PLA2R1: variants seen among roughly 807,000 people sequenced by gnomAD.
The protein encoded by PLA2R1 is phospholipase A2 receptor 1.
PLA2R1 carries 158 observed loss-of-function variants against 195.9 expected under a neutral mutation model. The observed-to-expected ratio is 0.81, with a 90% CI of 0.71 to 0.92. The LOEUF (loss-of-function observed/expected upper bound fraction) is 0.92, where lower values mean the gene tolerates loss of function less well. Ranked by LOEUF, PLA2R1 falls within the 40% of genes least tolerant of loss-of-function variation. PLA2R1 has a pLI of 0.00. For missense variants in PLA2R1, 1,626 were observed against 1,764.6 expected, an observed-to-expected ratio of 0.92 and a Z score of 1.41; for synonymous variants, 586 against 598.2, an observed-to-expected ratio of 0.98 and a Z score of 0.30.
intron 7 of PLA2R1, among the ~76,000 whole-genome samples, chr2:160,022,391 C>T (rs1240489796): frequency 2.0e-5 from 3 of 151,828 alleles, no homozygotes; most frequent in East Asian, 1.9e-4. Flanking sequence ...TTAGGTTTTT[C>T]ATTAGAAGTT....
intron 20 of PLA2R1, among the ~76,000 whole-genome samples, chr2:159,961,470 G>A (rs767475375): frequency 2.0e-5 from 3 of 152,154 alleles, no homozygotes; most frequent in Non-Finnish European, 4.4e-5. Flanking sequence ...GCACTTTGAT[G>A]TTTTTAAAAA....
At chr2:160,005,958 C>T (rs550884827) in intron 10 of PLA2R1, 137 bp from the exon 11 acceptor site, 34 of 661,772 alleles carry the variant, frequency 5.1e-5, no homozygotes, top group Non-Finnish European at 7.8e-5. Flanking sequence ...AACAGGAAAA[C>T]ACCCAAAGAC....
chr2:159,926,310 T>C, the PLA2R1 span, among the ~76,000 whole-genome samples: 1 of 152,124 alleles, frequency 6.6e-6, no homozygotes, highest in East Asian at 1.9e-4. Flanking sequence ...AGGCGATAAA[T>C]GACTGCTTTT....
In PLA2R1 at chr2:159,951,320, A is replaced by C; in HGVS notation, c.3540+20T>G. On this transcript the variant is annotated intron_variant, in intron 24 of 29. Coordinates refer to ENST00000283243, the MANE Select transcript of PLA2R1 (RefSeq NM_007366.5). ...AAACTTAATTATTCAAGGATGTCTC[A>C]AGGGAGTTAGGATACCTACATCTGT... 1 of 1,349,200 alleles carries C rather than the reference A, an allele frequency of 7.4e-7. No individual in the cohort carries two copies. The highest frequency in any genetic ancestry group is 2.3e-5 in the East Asian group (1 of 43,614). 83.6% of individuals were successfully genotyped at this position (1,349,200 alleles called of 1,614,324 possible).
intron 28 of PLA2R1, among the ~76,000 whole-genome samples, chr2:159,943,895 T>C (rs1687233187): frequency 6.6e-6 from 1 of 152,038 alleles, no homozygotes; most frequent in Non-Finnish European, 1.5e-5. Context: ...TTCTTCTTCA[T>C]TCCCAGCTCA....
At chr2:159,995,119 A>C (rs1691124038) in intron 11 of PLA2R1, among the ~76,000 whole-genome samples, 1 of 152,128 alleles carries the variant, frequency 6.6e-6, no homozygotes, top group Non-Finnish European at 1.5e-5. Flanking sequence ...GCAGGAAAGA[A>C]ATGTGATTTA....
chr2:159,976,171 G>A lies in PLA2R1; in HGVS notation c.2492C>T (p.Ser831Leu), dbSNP rs764478475. ...GACAAACTCAAAGTTCAACCATTCT[G>A]AGGCAAAGGTATGAAAAAGGTATTC... Reference protein sequence around the residue: ...DAEYLFHTFASEWLNFEFVCS... With the variant: ...DAEYLFHTFALEWLNFEFVCS... Residue 831 changes from serine (S) to leucine (L), a missense_variant, in exon 17 of 30, where the codon TCA becomes TTA. By Grantham distance (145) the Ser-to-Leu change is moderately radical (BLOSUM62 -2). Coordinates refer to ENST00000283243, the MANE Select transcript of PLA2R1 (RefSeq NM_007366.5). The A allele has an allele frequency of 3.1e-6, 5 of 1,611,126 alleles. No individual in the cohort carries two copies. In the Admixed American group the frequency reaches 8.3e-5, roughly 27 times the overall value.
At chr2:160,001,870 A>T (rs1691619748) in intron 11 of PLA2R1, among the ~76,000 whole-genome samples, 5 of 151,822 alleles carry the variant, frequency 3.3e-5, no homozygotes. Flanking sequence ...TCATAGTGGG[A>T]GGTATCAAAC....
intron 17 of PLA2R1, among the ~76,000 whole-genome samples, chr2:159,973,963 C>T (rs939886647): frequency 2.0e-5 from 3 of 151,960 alleles, no homozygotes; most frequent in African/African-American, 7.2e-5. Flanking sequence ...TGTGGGGTTT[C>T]GCCCTTCCCT....
chr2:159,928,486 C>T (rs1686530775), downstream of PLA2R1, among the ~76,000 whole-genome samples: 4 of 152,148 alleles, frequency 2.6e-5, no homozygotes, highest in South Asian at 8.3e-4. Flanking sequence ...AGCTATAAAA[C>T]ACTGCTGAAA....
intron 6 of PLA2R1, among the ~76,000 whole-genome samples, chr2:160,026,493 G>T (rs1330935433): frequency 6.6e-6 from 1 of 152,146 alleles, no homozygotes; most frequent in East Asian, 1.9e-4. Flanking sequence ...GGCTGATATG[G>T]ACTCCAGGTG....
At chr2:159,929,144 A>T (rs1323849050), downstream of PLA2R1, among the ~76,000 whole-genome samples, 2 of 152,350 alleles carry the variant, frequency 1.3e-5, no homozygotes, top group South Asian at 2.1e-4. Context: ...AAACAAAGAT[A>T]AATAGACAAG....
chr2:159,958,263 C>T (rs1313564919), intron 20 of PLA2R1, among the ~76,000 whole-genome samples: 1 of 152,056 alleles, frequency 6.6e-6, no homozygotes, highest in African/African-American at 2.4e-5. Context: ...ACCTCACCCT[C>T]TTGTGCTTGC....
intron 19 of PLA2R1, among the ~76,000 whole-genome samples, chr2:159,968,521 C>T (rs1688937619): frequency 6.6e-6 from 1 of 152,172 alleles, no homozygotes. Context: ...GCTGATTAAC[C>T]ACACGGATTT....
intron 2 of PLA2R1, 98 bp from the exon 3 acceptor site, chr2:160,042,296 T>A: frequency 1.0e-6 from 1 of 974,288 alleles, no homozygotes; most frequent in Non-Finnish European, 1.6e-6. Context: ...ACTGAAACCC[T>A]CTTGGGGCAG....
intron 1 of PLA2R1, among the ~76,000 whole-genome samples, chr2:160,059,021 G>A (rs144551188): frequency 7.9e-5 from 12 of 152,258 alleles, no homozygotes; most frequent in African/African-American, 2.6e-4. Flanking sequence ...TGGGGTGACG[G>A]GAGACAGTGA....
chr2:160,012,652 C>T (rs913543483), intron 10 of PLA2R1, among the ~76,000 whole-genome samples: 10 of 152,126 alleles, frequency 6.6e-5, no homozygotes, highest in Non-Finnish European at 1.5e-4. Flanking sequence ...GTGGCTCATA[C>T]CTGTAATCCC....
At chr2:159,957,215 G>A (rs1688148160) in intron 20 of PLA2R1, among the ~76,000 whole-genome samples, 1 of 152,098 alleles carries the variant, frequency 6.6e-6, no homozygotes, top group Non-Finnish European at 1.5e-5. Context: ...AAAGAAACCT[G>A]GGAAGAAGTA....
chr2:160,018,450 C>G (rs146132148), intron 8 of PLA2R1, among the ~76,000 whole-genome samples: 3 of 152,248 alleles, frequency 2.0e-5, no homozygotes, highest in African/African-American at 7.2e-5. Flanking sequence ...GCATGGGCAA[C>G]ATGAAACCCC....
Sources: allele counts gnomAD v4.1 joint callset (sites outside exome capture counted in the v4.1 genomes callset), GRCh38; gene constraint gnomAD v4.1.1; transcripts MANE v1.5; gene names NCBI Gene and HGNC (gene_info 2026-07-23, HGNC 2026-07-21).